TRIM67: variants seen among roughly 807,000 people sequenced by gnomAD.
TRIM67 encodes tripartite motif containing 67.
A neutral mutation model predicts 71.0 loss-of-function variants in TRIM67; 39 were observed. That is an observed-to-expected ratio of 0.55 (90% CI 0.43 to 0.72). TRIM67 has a LOEUF of 0.72. TRIM67 is among the 30% of genes least tolerant of loss of function. The probability of loss-of-function intolerance (pLI) is 0.00; values close to 1 mark genes in which losing one functional copy is unlikely to be tolerated. For missense variants in TRIM67, 973 were observed against 1,079.2 expected (o/e 0.90, Z 1.38); for synonymous variants, 481 against 473.9 (o/e 1.01, Z -0.19).
Position 231,187,611 on chromosome 1 carries a change from T to A in TRIM67, c.1045-9760T>A, listed in dbSNP as rs1326789736. ...CCCAATGATGGTGTGAAACTCTCAG[T>A]GAAGCTTCGATTCCTGTTTTAATAC... On this transcript the variant is annotated intron_variant, in intron 1 of 9. Transcript: ENST00000366653. 2.7e-6 allele frequency: 4 copies of A among 1,486,358 alleles called. No homozygotes were observed. The East Asian group carries it at 7.4e-5, about 27-fold the overall frequency. 92.1% of individuals were successfully genotyped at this position (1,486,358 alleles called of 1,614,324 possible). A position where few individuals can be genotyped will look rare whatever the true frequency, so the allele number is the denominator to read the frequency against.
chr1:231,200,008 G>A, intron 3 of TRIM67, 140 bp from the exon 4 acceptor site: 1 of 636,602 alleles, frequency 1.6e-6, no homozygotes, highest in Non-Finnish European at 2.9e-6. Flanking sequence ...CAGCAGAGCT[G>A]AGAGAGGAGC....
intron 1 of TRIM67, among the ~76,000 whole-genome samples, chr1:231,164,864 A>G (rs972646955): frequency 1.3e-5 from 2 of 152,256 alleles, no homozygotes; most frequent in African/African-American, 2.4e-5. Flanking sequence ...TGTTGTTCAT[A>G]TATAGTTACT....
intron 1 of TRIM67, among the ~76,000 whole-genome samples, chr1:231,181,391 C>T (rs1284817889): frequency 1.3e-5 from 2 of 152,200 alleles, no homozygotes; most frequent in African/African-American, 2.4e-5. Flanking sequence ...GGAAATAGAG[C>T]TGCAGGTGAC....
At position 231,209,262 on chromosome 1, in the gene TRIM67, C is replaced by T. The variant is rs1683799451; in HGVS notation, c.2123+12C>T. On this transcript the variant is annotated intron_variant, in intron 8 of 9. Transcript: ENST00000366653. This position sits in a 1 kb window ranked among gnomAD's most constrained non-coding sequence, Gnocchi z 4.1. ...TCCCACACCAACAGGTGCGATTGGGCCCCATCCTGCCTCCCGTGGACACAG... is the reference window on the plus strand; with the variant it reads ...TCCCACACCAACAGGTGCGATTGGGTCCCATCCTGCCTCCCGTGGACACAG... 2 of 1,525,430 alleles carry T rather than the reference C, an allele frequency of 1.3e-6. No homozygotes were observed. Among genetic ancestry groups the T allele is most frequent in the Admixed American group, 2.0e-5 (1 of 51,074 alleles). 94.5% of individuals were successfully genotyped at this position (1,525,430 alleles called of 1,614,324 possible). A position where few individuals can be genotyped will look rare whatever the true frequency, so the allele number is the denominator to read the frequency against.
At chr1:231,199,707 T>A (rs533166875) in intron 3 of TRIM67, among the ~76,000 whole-genome samples, 26 of 152,236 alleles carry the variant, frequency 1.7e-4, no homozygotes, top group African/African-American at 6.0e-4. Context: ...GCTAGAGACA[T>A]TTCATAACTG....
At chr1:231,188,600 A>G (rs1381457455) in intron 1 of TRIM67, among the ~76,000 whole-genome samples, 2 of 152,172 alleles carry the variant, frequency 1.3e-5, no homozygotes, top group African/African-American at 4.8e-5. Flanking sequence ...AAGAGCATCG[A>G]CTTTGGATTC....
intron 9 of TRIM67, 104 bp from the exon 10 acceptor site, chr1:231,215,271 C>G: frequency 6.7e-7 from 1 of 1,487,522 alleles, no homozygotes; most frequent in Non-Finnish European, 9.0e-7. Flanking sequence ...ATGGATGGCC[C>G]TGGAGCCAGC....
Position 231,218,014 on chromosome 1 carries a change from G to T in TRIM67, c.*2574G>T. 1 of 1,194,588 alleles carries T rather than the reference G, an allele frequency of 8.4e-7. No individual in the cohort carries two copies. The allele number at this position is 1,194,588 out of a possible 1,614,324, so 74.0% of individuals were successfully genotyped here. A position where few individuals can be genotyped will look rare whatever the true frequency, so the allele number is the denominator to read the frequency against. On this transcript the variant is annotated 3_prime_UTR_variant, in exon 10 of 10. Coordinates refer to ENST00000366653, the MANE Select transcript of TRIM67 (RefSeq NM_001004342.5). Reference sequence around the variant, plus strand: ...CAGAAGCAATACGGCCGATGCCAGGGACAGCATCCAGCTCTCCTTCACAGA... The same window carrying T: ...CAGAAGCAATACGGCCGATGCCAGGTACAGCATCCAGCTCTCCTTCACAGA...
chr1:231,196,656 G>A (rs559466891), intron 1 of TRIM67, among the ~76,000 whole-genome samples: 2 of 152,120 alleles, frequency 1.3e-5, no homozygotes, highest in Admixed American at 6.5e-5. Flanking sequence ...TATGTGGTTC[G>A]TTACAAAAAA....
At chr1:231,181,352 T>A (rs752625912) in intron 1 of TRIM67, among the ~76,000 whole-genome samples, 1 of 152,222 alleles carries the variant, frequency 6.6e-6, no homozygotes, top group Non-Finnish European at 1.5e-5. Flanking sequence ...AGAAGCTCCT[T>A]CAGCCTGAAT....
rs1192980508 is a variant in TRIM67, at chr1:231,163,026, C to T, written c.57C>T (p.Ile19=). The T allele has an allele frequency of 1.9e-6, 3 of 1,612,750 alleles. No individual in the cohort carries two copies. The highest frequency in any genetic ancestry group is 2.5e-6 in the Non-Finnish European group (3 of 1,179,388). ...GCTCTCTGTTTCGGGAGCCTATCAT[C>T]CTGCCCTGTTCCCACAATGTCTGCC... ...VCGSLFREPI[I]LPCSHNVCLP... Residue 19 remains isoleucine (I), a synonymous_variant, in exon 1 of 10, where the codon ATC becomes ATT. Coordinates refer to ENST00000366653, the MANE Select transcript of TRIM67 (RefSeq NM_001004342.5).
intron 8 of TRIM67, among the ~76,000 whole-genome samples, chr1:231,213,300 C>G (rs552289578): frequency 3.1e-4 from 47 of 152,256 alleles, no homozygotes; most frequent in African/African-American, 1.1e-3. Context: ...TGGAGGTGTT[C>G]CTCTAGGGGA....
chr1:231,210,638 A>C (rs1381714770), intron 8 of TRIM67, among the ~76,000 whole-genome samples: 3 of 151,678 alleles, frequency 2.0e-5, no homozygotes, highest in Non-Finnish European at 2.9e-5. Flanking sequence ...AACAAGAAGC[A>C]TTTATCAAAC....
chr1:231,211,663 C>G (rs1053433203), intron 8 of TRIM67, among the ~76,000 whole-genome samples: 3 of 152,226 alleles, frequency 2.0e-5, no homozygotes, highest in African/African-American at 7.2e-5. Context: ...GTCGTGAATC[C>G]TCGCTGCTCA....
In TRIM67 at chr1:231,206,809, T is replaced by C; in HGVS notation, c.1819+19T>C. The C allele has an allele frequency of 6.4e-7, 1 of 1,571,450 alleles. No individual in the cohort carries two copies. The highest frequency in any genetic ancestry group is 8.6e-7 in the Non-Finnish European group (1 of 1,159,342). Reference sequence around the variant, plus strand: ...TCCGATGGTGAGCATCGGGATCTCTTAGTGGGAAGAACAGATTCATCATTT... The same window carrying C: ...TCCGATGGTGAGCATCGGGATCTCTCAGTGGGAAGAACAGATTCATCATTT... On this transcript the variant is annotated intron_variant, in intron 7 of 9. Coordinates refer to ENST00000366653, the MANE Select transcript of TRIM67 (RefSeq NM_001004342.5).
chr1:231,217,759 T>C lies in TRIM67; in HGVS notation c.*2319T>C, dbSNP rs1204421046. On this transcript the variant is annotated 3_prime_UTR_variant, in exon 10 of 10. Transcript: ENST00000366653. The stretch of plus-strand genomic sequence containing the variant: ...AGCTCTGCAGAAGAATCGCCCATCA[T>C]TGGAGCACAAGTTGCCTGGGGCTAC... The C allele has an allele frequency of 6.3e-6, 8 of 1,276,912 alleles. No homozygotes were observed. Among genetic ancestry groups the C allele is most frequent in the Admixed American group, 2.4e-5 (1 of 41,740 alleles). The allele number at this position is 1,276,912 out of a possible 1,614,324, so 79.1% of individuals were successfully genotyped here.
intron 1 of TRIM67, among the ~76,000 whole-genome samples, chr1:231,169,184 G>C (rs185709599): frequency 1.3e-5 from 2 of 152,122 alleles, no homozygotes; most frequent in East Asian, 3.9e-4. Context: ...CTCCCGAGTA[G>C]CTGGGATTAC....
intron 1 of TRIM67, among the ~76,000 whole-genome samples, chr1:231,171,476 T>C (rs960633855): frequency 6.6e-6 from 1 of 152,204 alleles, no homozygotes; most frequent in African/African-American, 2.4e-5. Context: ...GCAAAGAGAA[T>C]GCTTTATCCA....
intron 1 of TRIM67, among the ~76,000 whole-genome samples, chr1:231,175,141 C>T (rs1303201982): frequency 9.9e-5 from 15 of 152,218 alleles, no homozygotes; most frequent in Admixed American, 7.9e-4. Flanking sequence ...GTGAATGTCA[C>T]CACACACCAT....
Sources: allele counts gnomAD v4.1 joint callset (sites outside exome capture counted in the v4.1 genomes callset), GRCh38; gene constraint gnomAD v4.1.1; non-coding constraint Gnocchi (gnomAD v3.1); transcripts MANE v1.5; gene names NCBI Gene and HGNC (gene_info 2026-07-23, HGNC 2026-07-21).